Variants in HEATR5A observed in about 807,000 individuals in gnomAD.
HEATR5A encodes the protein HEAT repeat containing 5A.
A neutral mutation model predicts 218.8 loss-of-function variants in HEATR5A; 178 were observed. That is an observed-to-expected ratio of 0.81 (90% confidence interval 0.72 to 0.92). HEATR5A has a LOEUF of 0.92. HEATR5A is among the 40% of genes least tolerant of loss of function. HEATR5A has a pLI of 0.00. For missense variants in HEATR5A, 2,420 were observed against 2,418.9 expected, an observed-to-expected ratio of 1.00 and a Z score of -0.01; for synonymous variants, 864 against 871.6, an observed-to-expected ratio of 0.99 and a Z score of 0.15.
At position 31,295,922 on chromosome 14, in the gene HEATR5A, A is replaced by T. The variant is rs918815255; in HGVS notation, c.5606T>A (p.Ile1869Lys). 5.6e-6 allele frequency: 9 copies of T among 1,613,502 alleles called. No individual in the cohort carries two copies. Among genetic ancestry groups the T allele is most frequent in the Non-Finnish European group, 6.8e-6 (8 of 1,179,684 alleles). ...AAAGACACTTACCACAGGATCTTTTATCTCAAGAGTAGCTTTAAATTTATC... is the reference window on the plus strand; with the variant it reads ...AAAGACACTTACCACAGGATCTTTTTTCTCAAGAGTAGCTTTAAATTTATC... Reference protein sequence around the residue: ...CIDKFKATLEIKDPVVQIKTY... With the variant: ...CIDKFKATLEKKDPVVQIKTY... The change falls in exon 34 of 36, where the codon ATA (isoleucine) becomes AAA (lysine). Residue 1869 changes from isoleucine (I) to lysine (K), a missense_variant. By Grantham distance (102) the Ile-to-Lys change is moderately radical. Transcript: ENST00000543095.
At chr14:31,399,200 T>C (rs2030777609) in intron 3 of HEATR5A, among the ~76,000 whole-genome samples, 2 of 152,226 alleles carry the variant, frequency 1.3e-5, no homozygotes, top group African/African-American at 4.8e-5. Flanking sequence ...TTTTAAATTT[T>C]GCTTTGAAAG....
intron 27 of HEATR5A, among the ~76,000 whole-genome samples, chr14:31,314,228 G>A (rs553320183): frequency 5.3e-5 from 8 of 152,092 alleles, no homozygotes; most frequent in African/African-American, 1.9e-4. Context: ...GATTATAGGC[G>A]TGAGCCACCG....
rs771922159 is a variant in HEATR5A at position 31,309,182 on chromosome 14, C to A, written c.4442G>T (p.Gly1481Val). 27 of 1,607,926 alleles carry A rather than the reference C, an allele frequency of 1.7e-5. No homozygotes were observed. The highest frequency in any genetic ancestry group is 4.0e-5 in the African/African-American group (3 of 74,674). Residue 1481 changes from glycine (G) to valine (V), a missense_variant and splice_region_variant, in exon 29 of 36, where the codon GGT (glycine) becomes GTT (valine). Physicochemically the swap from Gly to Val is moderately radical, Grantham distance 109. Transcript: ENST00000543095. Reference sequence around the variant, plus strand: ...AGTCTCTGCTGTGTAGAAAGCACCACCTAAAGCAAACAGTTTCAGGAAAAA... The same window carrying A: ...AGTCTCTGCTGTGTAGAAAGCACCAACTAAAGCAAACAGTTTCAGGAAAAA... The part of the protein sequence containing the change: ...SEFASQLPAE[G>V]GAFYTAETSE...
intron 22 of HEATR5A, among the ~76,000 whole-genome samples, chr14:31,334,083 G>A (rs968020940): frequency 6.8e-5 from 10 of 146,620 alleles, no homozygotes; most frequent in South Asian, 4.4e-4. Flanking sequence ...CTGCCTGGAT[G>A]ATAGCATATC....
chr14:31,397,638 G>A (rs1277422955), intron 4 of HEATR5A, among the ~76,000 whole-genome samples: 1 of 144,662 alleles, frequency 6.9e-6, no homozygotes, highest in Non-Finnish European at 1.5e-5. Context: ...AAGCCTGGGT[G>A]ACACAGCTAG....
chr14:31,366,267 G>C (rs1016438430), intron 13 of HEATR5A, among the ~76,000 whole-genome samples: 2 of 152,106 alleles, frequency 1.3e-5, no homozygotes, highest in Non-Finnish European at 2.9e-5. Flanking sequence ...GACTGAAATA[G>C]TGTCTCAAAA....
At chr14:31,315,578 G>C (rs1297330800) in intron 27 of HEATR5A, among the ~76,000 whole-genome samples, 192 bp downstream of exon 27, 1 of 152,178 alleles carries the variant, frequency 6.6e-6, no homozygotes, top group Non-Finnish European at 1.5e-5. Flanking sequence ...GGAGATAATA[G>C]ACTACGGAAG....
At chr14:31,406,732 TG>T (rs2031074776) in intron 1 of HEATR5A, among the ~76,000 whole-genome samples, 1 of 150,182 alleles carries the variant, frequency 6.7e-6, no homozygotes, top group East Asian at 2.0e-4. Flanking sequence ...CCAAGGCAGG[TG>T]GATCATCTGA....
At chr14:31,358,563 T>G in intron 16 of HEATR5A, 74 bp downstream of exon 16, 1 of 1,290,778 alleles carries the variant, frequency 7.7e-7, no homozygotes, top group Non-Finnish European at 1.1e-6. Context: ...TTTACGCTAA[T>G]GAGATCTCTG....
intron 1 of HEATR5A, among the ~76,000 whole-genome samples, chr14:31,410,342 C>CTG (rs2031230731): frequency 6.6e-6 from 1 of 152,126 alleles, no homozygotes; most frequent in East Asian, 1.9e-4. Flanking sequence ...ATTCAAGAAA[C>CTG]ACAGATAAAT....
intron 1 of HEATR5A, among the ~76,000 whole-genome samples, chr14:31,411,231 A>T (rs1427224526): frequency 6.6e-6 from 1 of 152,170 alleles, no homozygotes; most frequent in African/African-American, 2.4e-5. Context: ...CATAAGAAAA[A>T]GGAAAATATA....
Position 31,394,129 on chromosome 14 carries a change from T to C in HEATR5A, c.695A>G (p.Tyr232Cys). Reference sequence around the variant, plus strand: ...CTTTGAAACAGAAATCCGCACATCATAATTGGAACCTTCAAAGGACTTAAA... The same window carrying C: ...CTTTGAAACAGAAATCCGCACATCACAATTGGAACCTTCAAAGGACTTAAA... ...LCFKSFEGSN[Y>C]DVRISVSKLL... Residue 232 changes from tyrosine to cysteine, a missense_variant, in exon 6 of 36, where the codon TAT (tyrosine) becomes TGT (cysteine). Transcript: ENST00000543095. 1 of 1,535,400 alleles carries C rather than the reference T, an allele frequency of 6.5e-7. No individual in the cohort carries two copies. The highest frequency in any genetic ancestry group is 8.7e-7 in the Non-Finnish European group (1 of 1,146,138).
intron 22 of HEATR5A, among the ~76,000 whole-genome samples, chr14:31,330,115 G>T (rs1207531267): frequency 6.6e-6 from 1 of 152,222 alleles, no homozygotes; most frequent in African/African-American, 2.4e-5. Context: ...CCTAGCAGAG[G>T]TTCTCCATGA....
At chr14:31,337,407 T>G in intron 22 of HEATR5A, 69 bp downstream of exon 22, 19 of 1,303,192 alleles carry the variant, frequency 1.5e-5, no homozygotes, top group Non-Finnish European at 2.0e-5. Flanking sequence ...TCAAAACTCA[T>G]GTATATATGG....
intron 14 of HEATR5A, among the ~76,000 whole-genome samples, chr14:31,363,452 G>A (rs543794143): frequency 1.4e-4 from 21 of 151,970 alleles, no homozygotes; most frequent in Non-Finnish European, 2.4e-4. Flanking sequence ...TGATTGTTAA[G>A]TCTCTAAATA....
intron 25 of HEATR5A, among the ~76,000 whole-genome samples, chr14:31,319,783 T>C (rs1293326611): frequency 6.6e-6 from 1 of 152,180 alleles, no homozygotes; most frequent in Non-Finnish European, 1.5e-5. Flanking sequence ...TGGTGGCTCA[T>C]GCCTGTAGTC....
At chr14:31,410,914 T>C (rs2031248955) in intron 1 of HEATR5A, among the ~76,000 whole-genome samples, 1 of 152,222 alleles carries the variant, frequency 6.6e-6, no homozygotes, top group Non-Finnish European at 1.5e-5. Context: ...TCTAATTCTC[T>C]ATAACAACCC....
chr14:31,294,102 T>C lies in HEATR5A; in HGVS notation c.5622A>G (p.Val1874=), dbSNP rs748281999. ...GTAGGAGCTGGTAGGTCTTGATTTG[T>C]ACCTAATAAGGTAAGAGAAAAGAAT... The part of the protein sequence containing the change: ...KATLEIKDPV[V]QIKTYQLLHS... The change falls in exon 35 of 36, where the codon GTA becomes GTG. Residue 1874 remains valine, a splice_region_variant and synonymous_variant. Coordinates refer to ENST00000543095, the MANE Select transcript of HEATR5A (RefSeq NM_015473.4). 5 of 1,570,548 alleles carry C rather than the reference T, an allele frequency of 3.2e-6. No individual in the cohort carries two copies. The South Asian group carries it at 5.8e-5, about 18-fold the overall frequency.
rs757512517 is a variant in HEATR5A, at chr14:31,371,850, G to A, written c.1921C>T (p.Leu641Phe). ...DLLTEEVTQRLLPPLPCAVDL... is the reference protein window; with the variant it reads ...DLLTEEVTQRFLPPLPCAVDL... ...ACAGCACAAGGAAGTGGTGGAAGAA[G>A]ACGCTGAGTTACTTCCTCAGTAAGA... The change falls in exon 13 of 36, where the codon CTT becomes TTT. Residue 641 changes from leucine (L) to phenylalanine (F), a missense_variant. Leu to Phe is a conservative substitution (Grantham distance 22). Transcript: ENST00000543095. The A allele has an allele frequency of 6.4e-7, 1 of 1,553,142 alleles. No individual in the cohort carries two copies. The highest frequency in any genetic ancestry group is 8.7e-7 in the Non-Finnish European group (1 of 1,147,368).
Sources: allele counts gnomAD v4.1 joint callset (sites outside exome capture counted in the v4.1 genomes callset), GRCh38; gene constraint gnomAD v4.1.1; transcripts MANE v1.5; gene names NCBI Gene and HGNC (gene_info 2026-07-23, HGNC 2026-07-21).